Variants in CCDC102B observed in about 807,000 individuals in gnomAD.
The protein encoded by CCDC102B is coiled-coil domain-containing protein 102B.
CCDC102B carries 75 observed loss-of-function variants against 57.4 expected under a neutral mutation model. The observed-to-expected ratio is 1.31, with a 90% CI of 1.08 to 1.58. The LOEUF is 1.58. CCDC102B is among the 40% of genes most tolerant of loss of function. The probability of loss-of-function intolerance (pLI) is 0.00; values close to 1 mark genes in which losing one functional copy is unlikely to be tolerated. For synonymous variants in CCDC102B, 206 were observed against 201.9 expected (o/e 1.02, Z -0.17); for missense variants, 636 against 582.6 (o/e 1.09, Z -0.94).
At chr18:68,717,730 T>G (rs2145178118) in intron 2 of CCDC102B, among the ~76,000 whole-genome samples, 1 of 152,132 alleles carries the variant, frequency 6.6e-6, no homozygotes, top group Middle Eastern at 3.4e-3. Flanking sequence ...ATTTAAAAGA[T>G]TCTACTATTT....
intron 4 of CCDC102B, among the ~76,000 whole-genome samples, chr18:68,874,139 T>C (rs2039340319): frequency 6.6e-6 from 1 of 151,030 alleles, no homozygotes; most frequent in African/African-American, 2.4e-5. Context: ...ATGTTCTTCA[T>C]ATATTTTATC....
intron 3 of CCDC102B, among the ~76,000 whole-genome samples, chr18:68,839,439 G>A (rs2037526314): frequency 6.6e-6 from 1 of 152,146 alleles, no homozygotes; most frequent in Non-Finnish European, 1.5e-5. Flanking sequence ...GTTGGCTGTT[G>A]CCCCTTTGTG....
intron 2 of CCDC102B, among the ~76,000 whole-genome samples, chr18:68,740,766 C>G (rs533265610): frequency 1.9e-4 from 29 of 152,074 alleles, no homozygotes; most frequent in Admixed American, 3.9e-4. Context: ...CCATTTTAGC[C>G]TGTTTCAATA....
chr18:68,777,976 A>G (rs995435684), intron 2 of CCDC102B, among the ~76,000 whole-genome samples: 3 of 152,168 alleles, frequency 2.0e-5, no homozygotes, highest in African/African-American at 4.8e-5. Flanking sequence ...TTTAGAAACT[A>G]TAGAGCTTGC....
chr18:68,814,323 T>G (rs371548909), intron 1 of CCDC102B, among the ~76,000 whole-genome samples: 2 of 152,302 alleles, frequency 1.3e-5, no homozygotes, highest in East Asian at 1.9e-4. Flanking sequence ...TGAGCACTGT[T>G]AGCCAGAAAT....
intron 4 of CCDC102B, among the ~76,000 whole-genome samples, chr18:68,857,358 T>TATAAA (rs1339750145): frequency 3.0e-5 from 3 of 99,514 alleles, no homozygotes; most frequent in Non-Finnish European, 5.8e-5. Context: ...TATAAATATA[T>TATAAA]ATATTTATTT....
At chr18:68,916,561 A>C (rs1599686553) in intron 6 of CCDC102B, among the ~76,000 whole-genome samples, 1 of 152,192 alleles carries the variant, frequency 6.6e-6, no homozygotes, top group Admixed American at 6.5e-5. Context: ...GTTTTGTGGT[A>C]CATGAGGGAA....
chr18:68,816,216 C>G (rs997949483), intron 1 of CCDC102B, among the ~76,000 whole-genome samples: 11 of 152,108 alleles, frequency 7.2e-5, no homozygotes. Context: ...AGCCACAAAT[C>G]CATCATGTAC....
chr18:69,050,262 A>G (rs1321214639), intron 7 of CCDC102B, among the ~76,000 whole-genome samples: 1 of 152,196 alleles, frequency 6.6e-6, no homozygotes, highest in Non-Finnish European at 1.5e-5. Context: ...ATAAGATGAG[A>G]TGCTCACGCG....
At chr18:69,030,819 T>A (rs897727626) in intron 7 of CCDC102B, among the ~76,000 whole-genome samples, 4 of 152,042 alleles carry the variant, frequency 2.6e-5, no homozygotes, top group Admixed American at 2.0e-4. Context: ...CACGCCCGGA[T>A]CATTTTTGTA....
intron 6 of CCDC102B, among the ~76,000 whole-genome samples, chr18:68,968,631 T>G (rs1450745805): frequency 6.6e-6 from 1 of 152,190 alleles, no homozygotes; most frequent in Non-Finnish European, 1.5e-5. Flanking sequence ...CATTATCTTA[T>G]GTAGCACATC....
intron 2 of CCDC102B, among the ~76,000 whole-genome samples, chr18:68,752,091 C>T (rs756925057): frequency 2.6e-5 from 4 of 152,020 alleles, no homozygotes; most frequent in Non-Finnish European, 5.9e-5. Flanking sequence ...GAAACCCCAT[C>T]TCTACTAAAA....
chr18:68,847,360 A>G (rs1390808949), intron 4 of CCDC102B, among the ~76,000 whole-genome samples: 1 of 151,734 alleles, frequency 6.6e-6, no homozygotes. Flanking sequence ...CTATAATATA[A>G]TGGGTTCGAA....
intron 1 of CCDC102B, among the ~76,000 whole-genome samples, chr18:68,834,424 T>A (rs1197219646): frequency 2.2e-5 from 2 of 90,540 alleles, no homozygotes; most frequent in Non-Finnish European, 4.2e-5. Context: ...TAGTTGTATA[T>A]GTAAATACAT....
intron 1 of CCDC102B, among the ~76,000 whole-genome samples, chr18:68,827,964 C>G (rs2036971857): frequency 6.6e-6 from 1 of 151,670 alleles, no homozygotes; most frequent in African/African-American, 2.4e-5. Context: ...AATATAGAAA[C>G]CCAACACAGA....
At chr18:68,848,300 GATA>G (rs996162014) in intron 4 of CCDC102B, among the ~76,000 whole-genome samples, 6 of 151,846 alleles carry the variant, frequency 4.0e-5, no homozygotes, top group African/African-American at 1.4e-4. Context: ...CAACAATTCT[GATA>G]ATGACCTTTG....
intron 2 of CCDC102B, among the ~76,000 whole-genome samples, chr18:68,761,983 C>G (rs900976785): frequency 6.6e-6 from 1 of 152,052 alleles, no homozygotes; most frequent in African/African-American, 2.4e-5. Context: ...TAATTCCGGT[C>G]TGTTTAAACT....
chr18:68,805,227 A>G (rs936642893), intron 1 of CCDC102B, among the ~76,000 whole-genome samples: 1 of 152,230 alleles, frequency 6.6e-6, no homozygotes, highest in Non-Finnish European at 1.5e-5. Flanking sequence ...AAAATTTTGA[A>G]GATAGCTAAT....
intron 6 of CCDC102B, among the ~76,000 whole-genome samples, chr18:68,945,278 A>G (rs532520120): frequency 6.6e-6 from 1 of 152,240 alleles, no homozygotes; most frequent in African/African-American, 2.4e-5. Context: ...AAAGACACTC[A>G]GTAACTACTG....
Sources: gnomAD v4.1 joint callset for allele counts (sites outside exome capture counted in the v4.1 genomes callset) on GRCh38, gnomAD v4.1.1 for gene constraint, MANE v1.5 for transcripts, NCBI Gene and HGNC (gene_info 2026-07-23, HGNC 2026-07-21) for gene names.